Variants in PFKM observed in about 807,000 individuals in gnomAD.
PFKM encodes ATP-dependent 6-phosphofructokinase, muscle type.
Under a neutral mutation model 95.5 loss-of-function variants are expected in PFKM, and 58 were observed. That is an observed-to-expected ratio of 0.61 (90% CI 0.49 to 0.76). PFKM has a LOEUF of 0.76. Ranked by LOEUF, PFKM falls within the 30% of genes least tolerant of loss-of-function variation. The pLI is 0.00. For missense variants in PFKM, 678 were observed against 1,005.4 expected (o/e 0.67, Z 4.40); for synonymous variants, 336 against 357.2 (o/e 0.94, Z 0.67).
At position 48,145,021 on chromosome 12, in the gene PFKM, C is replaced by T; in HGVS notation, c.1993-10C>T. The T allele has an allele frequency of 5.0e-6, 8 of 1,593,718 alleles. No homozygotes were observed. Among genetic ancestry groups the T allele is most frequent in the South Asian group, 2.2e-5 (2 of 90,646 alleles). ...CCTTCCCTCTGTAATTTTTATGTTT[C>T]TTTCTCCAGGGTGGGAGCCCAACCC... is the stretch of plus-strand genomic sequence containing the variant. On this transcript the variant is annotated splice_polypyrimidine_tract_variant and intron_variant, in intron 20 of 22. Transcript: ENST00000359794. The surrounding 1 kb of genome is among the most constrained non-coding windows in gnomAD (Gnocchi z 4.3).
chr12:48,109,575 A>G (rs1260840523), intron 3 of PFKM, among the ~76,000 whole-genome samples: 2 of 151,960 alleles, frequency 1.3e-5, no homozygotes, highest in African/African-American at 2.4e-5. Flanking sequence ...GTGTACCTAA[A>G]ACTCACCTCA....
chr12:48,132,676 T>C, intron 4 of PFKM, 192 bp from the exon 5 acceptor site: 1 of 623,094 alleles, frequency 1.6e-6, no homozygotes, highest in Non-Finnish European at 2.9e-6. Context: ...TAGCAAAATA[T>C]GGGAATGACC....
Position 48,140,804 on chromosome 12 carries a change from T to C in PFKM, c.1274T>C (p.Ile425Thr). 1 of 1,614,218 alleles carries C rather than the reference T, an allele frequency of 6.2e-7. No individual in the cohort carries two copies. Among genetic ancestry groups the C allele is most frequent in the Non-Finnish European group, 8.5e-7 (1 of 1,180,036 alleles). The change falls in exon 14 of 23, where the codon ATT (isoleucine) becomes ACT (threonine). Residue 425 changes from isoleucine to threonine, a missense_variant. Physicochemically the swap from Ile to Thr is moderately conservative, Grantham distance 89 (BLOSUM62 -1). Transcript: ENST00000359794. Reference sequence around the variant, plus strand: ...GCTGCTGTTCGCTCCACTGTGAGGATTGGCCTTATCCAGGGCAACCGAGTG... The same window carrying C: ...GCTGCTGTTCGCTCCACTGTGAGGACTGGCCTTATCCAGGGCAACCGAGTG... Reference protein sequence around the residue: ...MNAAVRSTVRIGLIQGNRVLV... With the variant: ...MNAAVRSTVRTGLIQGNRVLV...
At chr12:48,122,883 A>C in intron 2 of PFKM, 24 bp downstream of exon 2, 2 of 1,609,216 alleles carry the variant, frequency 1.2e-6, no homozygotes, top group Non-Finnish European at 1.7e-6. Context: ...GACAAAAAAC[A>C]TGGCTGGTGG....
At chr12:48,142,599 C>T (rs375193057) in intron 17 of PFKM, among the ~76,000 whole-genome samples, 183 bp from the exon 18 acceptor site, 41 of 151,982 alleles carry the variant, frequency 2.7e-4, no homozygotes, top group Non-Finnish European at 4.6e-4. Context: ...CCAGGAGAGA[C>T]GTTCTGCAGT....
intron 3 of PFKM, among the ~76,000 whole-genome samples, chr12:48,110,795 A>G (rs1947113597): frequency 6.6e-6 from 1 of 152,218 alleles, no homozygotes; most frequent in Non-Finnish European, 1.5e-5. Flanking sequence ...GCCTATCAGT[A>G]TAAGCAGCTC....
chr12:48,134,918 C>G (rs1029891315), intron 8 of PFKM, 25 bp from the exon 9 acceptor site: 2 of 1,604,272 alleles, frequency 1.2e-6, no homozygotes, highest in African/African-American at 2.7e-5. Context: ...TTCCATGGAC[C>G]ATTTTACCCT....
intron 1 of PFKM, chr12:48,122,497 C>T: frequency 9.6e-7 from 1 of 1,039,028 alleles, no homozygotes; most frequent in Non-Finnish European, 1.3e-6. Flanking sequence ...AGTTTATTCC[C>T]CAAATAGGTT....
At position 48,137,736 on chromosome 12, in the gene PFKM, G is replaced by A. The variant is rs762419627; in HGVS notation, c.952G>A (p.Val318Met). ...GCTCCTGCAGGGCAGCAGGATGGGT[G>A]TGGAAGCAGTGATGGCACTTTTGGA... ...FDRILGSRMG[V>M]EAVMALLEGT... The change falls in exon 11 of 23, where the codon GTG becomes ATG. Residue 318 changes from valine to methionine, a missense_variant. Coordinates refer to ENST00000359794, the MANE Select transcript of PFKM (RefSeq NM_000289.6). 5.6e-6 allele frequency: 9 copies of A among 1,614,192 alleles called. No homozygotes were observed. The highest frequency in any genetic ancestry group is 7.6e-6 in the Non-Finnish European group (9 of 1,180,024).
In PFKM at chr12:48,146,152, C is replaced by G. The variant is rs1565919836; in HGVS notation, c.*444C>G. On this transcript the variant is annotated 3_prime_UTR_variant, in exon 23 of 23. Transcript: ENST00000359794. ...CTTCCTAAGTGGAATGTAATACTGTCAGCCCCATGTATCAGACACTTGTCT... is the reference window on the plus strand; with the variant it reads ...CTTCCTAAGTGGAATGTAATACTGTGAGCCCCATGTATCAGACACTTGTCT... 4.5e-6 allele frequency: 1 copy of G among 222,718 alleles called. No homozygotes were observed. The highest frequency in any genetic ancestry group is 9.1e-6 in the Non-Finnish European group (1 of 109,936). 13.8% of individuals were successfully genotyped at this position (222,718 alleles called of 1,614,324 possible).
chr12:48,120,209 G>A (rs568696073), intron 1 of PFKM, among the ~76,000 whole-genome samples: 10 of 152,184 alleles, frequency 6.6e-5, no homozygotes, highest in South Asian at 6.2e-4. Context: ...CTCTAGTCAC[G>A]CGTGTCTCTA....
At chr12:48,140,906 T>C (rs1234009101) in intron 14 of PFKM, 35 bp downstream of exon 14, 5 of 1,611,774 alleles carry the variant, frequency 3.1e-6, no homozygotes, top group East Asian at 2.2e-5. Flanking sequence ...GGAGCAGTCA[T>C]GGGGAAGATA....
Position 48,108,195 on chromosome 12 carries a change from G to T in PFKM, c.205+1G>T. The T allele has an allele frequency of 6.3e-7, 1 of 1,597,606 alleles. No individual in the cohort carries two copies. Among genetic ancestry groups the T allele is most frequent in the South Asian group, 1.1e-5 (1 of 90,720 alleles). On this transcript the variant is annotated splice_donor_variant, in intron 3 of 24. Transcript: ENST00000340802. LOFTEE classifies it high-confidence loss of function. ...GGAAGCATACCTGTTTTCAAAACTG[G>T]TGAGGCATGTGGGTCAACAGTGAGA...
chr12:48,125,759 C>T (rs1214624221), intron 2 of PFKM, among the ~76,000 whole-genome samples: 1 of 152,112 alleles, frequency 6.6e-6, no homozygotes, highest in Non-Finnish European at 1.5e-5. Flanking sequence ...CACACCTGGC[C>T]TTTTCTATTT....
chr12:48,110,403 C>T (rs370727976), intron 3 of PFKM, among the ~76,000 whole-genome samples: 2 of 152,220 alleles, frequency 1.3e-5, no homozygotes, highest in South Asian at 2.1e-4. Flanking sequence ...CTTTCTGGCT[C>T]CTGGGTGGAG....
chr12:48,107,801 C>T (rs752710648), intron 2 of PFKM, among the ~76,000 whole-genome samples: 1 of 152,180 alleles, frequency 6.6e-6, no homozygotes, highest in African/African-American at 2.4e-5. Flanking sequence ...TTATAACTGA[C>T]ACTCCAAAAC....
intron 11 of PFKM, among the ~76,000 whole-genome samples, chr12:48,138,940 T>C (rs1056653383): frequency 6.6e-6 from 1 of 152,034 alleles, no homozygotes; most frequent in African/African-American, 2.4e-5. Flanking sequence ...CTTGGGAGGC[T>C]GAGGCAGAAG....
intron 13 of PFKM, among the ~76,000 whole-genome samples, chr12:48,140,512 T>C (rs1005217656): frequency 6.6e-6 from 1 of 152,254 alleles, no homozygotes; most frequent in Non-Finnish European, 1.5e-5. Flanking sequence ...GCTTTATTTA[T>C]TGATCTGTGA....
intron 6 of PFKM, among the ~76,000 whole-genome samples, chr12:48,133,730 T>C (rs1949764780): frequency 1.3e-5 from 2 of 152,198 alleles, no homozygotes; most frequent in Admixed American, 1.3e-4. Flanking sequence ...AGGTCTTTCA[T>C]ATCATTGGGG....
Sources: allele counts gnomAD v4.1 joint callset (sites outside exome capture counted in the v4.1 genomes callset), GRCh38; gene constraint gnomAD v4.1.1; non-coding constraint Gnocchi (gnomAD v3.1); transcripts MANE v1.5; gene names NCBI Gene and HGNC (gene_info 2026-07-23, HGNC 2026-07-21).